Variants in FSTL5 observed in about 807,000 individuals in gnomAD.
FSTL5 encodes the protein follistatin like 5.
A neutral mutation model predicts 89.1 loss-of-function variants in FSTL5; 62 were observed. The ratio of observed to expected loss-of-function variants is 0.70; its 90% CI spans 0.57 to 0.86. The LOEUF (loss-of-function observed/expected upper bound fraction) is 0.86. FSTL5 is among the 40% of genes least tolerant of loss of function. FSTL5 has a pLI of 0.00. For missense variants in FSTL5, 1,057 were observed against 1,001.6 expected, an observed-to-expected ratio of 1.06 and a Z score of -0.75; for synonymous variants, 383 against 346.2, an observed-to-expected ratio of 1.11 and a Z score of -1.18.
In FSTL5 at chr4:161,726,748, T is replaced by C. The variant is rs78092280; in HGVS notation, c.727+32663A>G. The stretch of plus-strand genomic sequence containing the variant: ...AAGTACATTATTTGAGAATAAATAA[T>C]TAGCTAACAACTTTACTAACTATAT... On this transcript the variant is annotated intron_variant, in intron 6 of 15. Transcript: ENST00000306100. 7.4e-3 allele frequency among the ~76,000 whole-genome samples: 1,122 copies of C among 152,086 alleles called. 14 individuals carry two copies. Among genetic ancestry groups the C allele is most frequent in the East Asian group, 0.03 (154 of 5,166 alleles).
intron 4 of FSTL5, among the ~76,000 whole-genome samples, chr4:161,817,702 G>C (rs1038525107): frequency 1.3e-5 from 2 of 152,098 alleles, no homozygotes; most frequent in African/African-American, 4.8e-5. Flanking sequence ...AATTTATTTT[G>C]AAGTCATGTA....
intron 3 of FSTL5, among the ~76,000 whole-genome samples, chr4:161,969,541 C>T (rs1474062831): frequency 6.6e-6 from 1 of 152,068 alleles, no homozygotes; most frequent in Admixed American, 6.6e-5. Context: ...CACATTTCCA[C>T]CTGTCTGGGA....
chr4:161,426,831 C>G (rs779368780), intron 15 of FSTL5, among the ~76,000 whole-genome samples: 5 of 152,196 alleles, frequency 3.3e-5, no homozygotes, highest in Non-Finnish European at 5.9e-5. Flanking sequence ...TCTAGCCACA[C>G]TTAAAACGTT....
chr4:161,918,482 C>T (rs987557743), intron 4 of FSTL5, among the ~76,000 whole-genome samples: 8 of 152,006 alleles, frequency 5.3e-5, no homozygotes, highest in South Asian at 2.1e-4. Flanking sequence ...GCTCAAAGAA[C>T]AAAAGTTCTT....
intron 4 of FSTL5, among the ~76,000 whole-genome samples, chr4:161,833,136 G>A (rs867404365): frequency 6.6e-6 from 1 of 151,054 alleles, no homozygotes; most frequent in Non-Finnish European, 1.5e-5. Flanking sequence ...ATTTCGTTAT[G>A]TACCCAGTAG....
At chr4:161,413,233 AG>A (rs1731655280) in intron 15 of FSTL5, among the ~76,000 whole-genome samples, 1 of 150,788 alleles carries the variant, frequency 6.6e-6, no homozygotes, top group Admixed American at 6.6e-5. Context: ...AAATGGGCAA[AG>A]GACATGAATA....
At chr4:162,024,322 G>T (rs1432079030) in intron 3 of FSTL5, among the ~76,000 whole-genome samples, 1 of 152,082 alleles carries the variant, frequency 6.6e-6, no homozygotes, top group Non-Finnish European at 1.5e-5. Context: ...TCTTCTGAGG[G>T]TTATATAAAA....
chr4:161,600,627 T>C (rs1305659113), intron 7 of FSTL5, among the ~76,000 whole-genome samples: 1 of 151,748 alleles, frequency 6.6e-6, no homozygotes, highest in East Asian at 1.9e-4. Context: ...ATTGTACTTC[T>C]TAAAAATTAA....
intron 3 of FSTL5, among the ~76,000 whole-genome samples, chr4:162,028,371 G>T (rs934653166): frequency 1.1e-4 from 17 of 152,136 alleles, no homozygotes; most frequent in African/African-American, 4.1e-4. Context: ...GAGGTCAGGA[G>T]TTCGAGACCA....
At chr4:161,791,906 A>G (rs1333586140) in intron 4 of FSTL5, among the ~76,000 whole-genome samples, 1 of 152,194 alleles carries the variant, frequency 6.6e-6, no homozygotes, top group African/African-American at 2.4e-5. Context: ...GGAGAAGGTG[A>G]GGCCGGGGCT....
At chr4:161,646,279 A>G (rs1394909528) in intron 7 of FSTL5, among the ~76,000 whole-genome samples, 2 of 149,200 alleles carry the variant, frequency 1.3e-5, no homozygotes. Flanking sequence ...CATATATTAT[A>G]TATATTTATG....
intron 10 of FSTL5, among the ~76,000 whole-genome samples, chr4:161,524,143 C>T (rs950947138): frequency 1.3e-5 from 2 of 152,150 alleles, no homozygotes; most frequent in Non-Finnish European, 2.9e-5. Context: ...AAAGCTTCAT[C>T]TACATAGTAA....
chr4:161,817,548 T>G (rs1032736102), intron 4 of FSTL5, among the ~76,000 whole-genome samples: 1 of 152,202 alleles, frequency 6.6e-6, no homozygotes, highest in African/African-American at 2.4e-5. Context: ...TGTATTCTCA[T>G]GGTTTGTATT....
intron 4 of FSTL5, among the ~76,000 whole-genome samples, chr4:161,833,999 T>C (rs1730942779): frequency 6.6e-6 from 1 of 151,798 alleles, no homozygotes; most frequent in Admixed American, 6.6e-5. Context: ...CAATTTGGCA[T>C]GAAAGAGAAT....
rs765439121 is a variant in FSTL5 at position 161,759,443 on chromosome 4, T to G, written c.695A>C (p.His232Pro). The stretch of plus-strand genomic sequence containing the variant: ...TCTATAAAATTCTTCAAGAGCCAGG[T>G]GCTTGTCAGCATTAAAATCATCATA... ...LKYDDFNADK[H>P]LALEEFYRAF... Residue 232 changes from histidine to proline, a missense_variant, in exon 6 of 16, where the codon CAC (histidine) becomes CCC (proline). Physicochemically the swap from His to Pro is moderately conservative, Grantham distance 77. This residue lies in a region of FSTL5 where 980 missense variants were observed against 903.2 expected (regional missense o/e 1.08). Coordinates refer to ENST00000306100, the MANE Select transcript of FSTL5 (RefSeq NM_020116.5). 1.3e-6 allele frequency: 2 copies of G among 1,595,462 alleles called. No individual in the cohort carries two copies. Among genetic ancestry groups the G allele is most frequent in the Admixed American group, 3.5e-5 (2 of 56,814 alleles).
intron 7 of FSTL5, among the ~76,000 whole-genome samples, chr4:161,630,504 T>C (rs1735469249): frequency 6.6e-6 from 1 of 152,196 alleles, no homozygotes; most frequent in African/African-American, 2.4e-5. Context: ...GCCAATGATA[T>C]ATGTGGATTT....
intron 2 of FSTL5, among the ~76,000 whole-genome samples, chr4:162,076,285 C>A (rs1271154254): frequency 6.6e-6 from 1 of 151,854 alleles, no homozygotes; most frequent in Non-Finnish European, 1.5e-5. Context: ...GATGTTTCTG[C>A]ACATTTTTGT....
chr4:161,790,799 G>C (rs1729445708), intron 4 of FSTL5, among the ~76,000 whole-genome samples: 1 of 152,170 alleles, frequency 6.6e-6, no homozygotes, highest in African/African-American at 2.4e-5. Context: ...TTATGAAGGT[G>C]CTCTTTTTAT....
At chr4:161,506,911 T>G (rs2126494505) in intron 11 of FSTL5, among the ~76,000 whole-genome samples, 1 of 152,304 alleles carries the variant, frequency 6.6e-6, no homozygotes, top group South Asian at 2.1e-4. Context: ...TAACATATTT[T>G]TGTGTGAATA....
Sources: allele counts gnomAD v4.1 joint callset (sites outside exome capture counted in the v4.1 genomes callset), GRCh38; gene constraint gnomAD v4.1.1; regional missense constraint gnomAD v4.1.1; transcripts MANE v1.5; gene names NCBI Gene and HGNC (gene_info 2026-07-23, HGNC 2026-07-21).